The following P4HA2 variants were observed in gnomAD, a reference collection of about 807,000 sequenced individuals.
The protein encoded by P4HA2 is prolyl 4-hydroxylase subunit alpha-2.
P4HA2 carries 46 observed loss-of-function variants against 76.9 expected under a neutral mutation model. The ratio of observed to expected loss-of-function variants is 0.60; its 90% CI spans 0.47 to 0.76. The LOEUF (loss-of-function observed/expected upper bound fraction) is 0.76, where lower values mean the gene tolerates loss of function less well. Among genes scored for constraint, P4HA2 ranks in the 30% least tolerant of loss-of-function variants. The pLI is 0.00. For missense variants in P4HA2, 583 were observed against 669.4 expected, an observed-to-expected ratio of 0.87 and a Z score of 1.42; for synonymous variants, 243 against 254.0, an observed-to-expected ratio of 0.96 and a Z score of 0.41.
chr5:132,208,418 AGGGGGGGAGGGGAGGAGAGGGGGGAAT>A (rs1752543570), intron 7 of P4HA2, among the ~76,000 whole-genome samples: 1 of 2,080 alleles, frequency 4.8e-4, no homozygotes, highest in Non-Finnish European at 8.9e-4. Context: ...GGGGGAGGGG[AGGGGGGGAGGGGAGGAGAGGGGGGAAT>A]GGGGGGAGGG....
At chr5:132,203,137 G>A (rs774270688) in intron 10 of P4HA2, among the ~76,000 whole-genome samples, 1 of 152,194 alleles carries the variant, frequency 6.6e-6, no homozygotes, top group Non-Finnish European at 1.5e-5. Context: ...GAAATACTTA[G>A]GTAAAACAAT....
intron 5 of P4HA2, among the ~76,000 whole-genome samples, chr5:132,212,135 G>C (rs1257977339): frequency 6.6e-6 from 1 of 152,174 alleles, no homozygotes; most frequent in Non-Finnish European, 1.5e-5. Flanking sequence ...GAGGGGTTGA[G>C]ACAAAAGAGC....
chr5:132,225,898 T>A (rs1250380685), intron 1 of P4HA2, among the ~76,000 whole-genome samples: 4 of 152,204 alleles, frequency 2.6e-5, no homozygotes, highest in African/African-American at 9.7e-5. Flanking sequence ...TATGACAGCA[T>A]CTTTGGGATG....
rs374026082 is a variant in P4HA2, at chr5:132,209,317, G to A, written c.724C>T (p.Arg242Ter). The A allele has an allele frequency of 1.1e-5, 18 of 1,613,536 alleles. No individual in the cohort carries two copies. The highest frequency in any genetic ancestry group is 7.7e-5 in the South Asian group (7 of 90,980). ...AAGTACCGCAGATTCCCTCCAGCTCGTTCGTGGCTTGGGTCTAGAAAATGC... is the reference window on the plus strand; with the variant it reads ...AAGTACCGCAGATTCCCTCCAGCTCATTCGTGGCTTGGGTCTAGAAAATGC... ...RLLSLDPSHE[R>*]AGGNLRYFEQ... The change falls in exon 7 of 15, where the codon CGA (arginine) becomes TGA (stop). Residue 242 changes from arginine to a stop codon, truncating the protein, a stop_gained. Transcript: ENST00000360568. LOFTEE classifies it high-confidence loss of function.
At chr5:132,220,777 G>A in intron 1 of P4HA2, among the ~76,000 whole-genome samples, 1 of 151,694 alleles carries the variant, frequency 6.6e-6, no homozygotes, top group South Asian at 2.1e-4. Context: ...TTTGGGCAGA[G>A]CCTCAAAGAA....
rs1287332169 is a variant in P4HA2, at chr5:132,191,314, C to T, written c.*1696G>A. 6.6e-6 allele frequency among the ~76,000 whole-genome samples: 1 copy of T among 151,896 alleles called. No individual in the cohort carries two copies. Among genetic ancestry groups the T allele is most frequent in the African/African-American group, 2.4e-5 (1 of 41,352 alleles). ...GATCACGAGGTCAGGAGATCGAGAC[C>T]ATCCCGGCTAAAACGGTGAAACCCC... is the stretch of plus-strand genomic sequence containing the variant. On this transcript the variant is annotated 3_prime_UTR_variant, in exon 15 of 15. Coordinates refer to ENST00000360568, the MANE Select transcript of P4HA2 (RefSeq NM_001017974.2).
chr5:132,192,412 T>C lies in P4HA2; in HGVS notation c.*598A>G, dbSNP rs1454254296. On this transcript the variant is annotated 3_prime_UTR_variant, in exon 15 of 15. Transcript: ENST00000360568. ...TCTCTGGGAGACAAAGAGAAACTATTTACCCTACTTTCCAGAAAAGGACAC... is the reference window on the plus strand; with the variant it reads ...TCTCTGGGAGACAAAGAGAAACTATCTACCCTACTTTCCAGAAAAGGACAC... 1 of 152,464 alleles carries C rather than the reference T, an allele frequency of 6.6e-6. No homozygotes were observed. The highest frequency in any genetic ancestry group is 1.5e-5 in the Non-Finnish European group (1 of 68,078). 9.4% of individuals were successfully genotyped at this position (152,464 alleles called of 1,614,324 possible).
chr5:132,217,521 G>C (rs373803659), intron 3 of P4HA2, 173 bp from the exon 4 acceptor site: 7 of 657,242 alleles, frequency 1.1e-5, no homozygotes, highest in African/African-American at 5.5e-5. Context: ...CCTTAATCTA[G>C]ATAACAGCTG....
Position 132,203,819 on chromosome 5 carries a change from C to G in P4HA2, c.1180G>C (p.Val394Leu), listed in dbSNP as rs754355833. ...ATCCGACGATTTACTCGGGCCACAA[C>G]AGGGTCATCATCTTCCTCTAGCCAG... is the stretch of plus-strand genomic sequence containing the variant. ...SSWLEEDDDPVVARVNRRMQH... is the reference protein window; with the variant it reads ...SSWLEEDDDPLVARVNRRMQH... Residue 394 changes from valine (V) to leucine (L), a missense_variant, in exon 10 of 15, where the codon GTT becomes CTT. By Grantham distance (32) the Val-to-Leu change is conservative. Transcript: ENST00000360568. 1.2e-6 allele frequency: 2 copies of G among 1,613,868 alleles called. No homozygotes were observed. Among genetic ancestry groups the G allele is most frequent in the South Asian group, 2.2e-5 (2 of 91,076 alleles).
At chr5:132,208,407 A>G (rs1209341118) in intron 7 of P4HA2, among the ~76,000 whole-genome samples, 2 of 3,200 alleles carry the variant, frequency 6.3e-4, no homozygotes, top group Non-Finnish European at 1.3e-3. Flanking sequence ...GGGGGAGGGG[A>G]GGGGGAGGGG....
In P4HA2 at chr5:132,214,101, G is replaced by A. The variant is rs558406447; in HGVS notation, c.332-48C>T. On this transcript the variant is annotated intron_variant, in intron 4 of 14. Transcript: ENST00000360568. ...AGAGATTACCCTTGATCCAGGGGCAGAATTCCACTTGGGACCAGAGAGGCA... is the reference window on the plus strand; with the variant it reads ...AGAGATTACCCTTGATCCAGGGGCAAAATTCCACTTGGGACCAGAGAGGCA... The A allele has an allele frequency of 1.9e-6, 3 of 1,593,760 alleles. No homozygotes were observed. In the East Asian group the frequency reaches 6.7e-5, roughly 36 times the overall value.
chr5:132,225,021 C>G (rs929711271), intron 1 of P4HA2, among the ~76,000 whole-genome samples: 6 of 143,476 alleles, frequency 4.2e-5, no homozygotes, highest in Non-Finnish European at 8.9e-5. Flanking sequence ...GTAAATCATC[C>G]AGACTTTTCA....
chr5:132,203,491 A>C (rs956365047), intron 10 of P4HA2: 1 of 485,816 alleles, frequency 2.1e-6, no homozygotes, highest in African/African-American at 1.9e-5. Flanking sequence ...CGAACCTACC[A>C]TAACTACCCC....
intron 10 of P4HA2, chr5:132,202,340 T>C (rs1751614193): frequency 6.6e-6 from 1 of 151,842 alleles, no homozygotes; most frequent in South Asian, 2.1e-4. Flanking sequence ...CTGATGCAGC[T>C]ACACAGAAAA....
chr5:132,214,942 G>A (rs899044957), intron 4 of P4HA2, among the ~76,000 whole-genome samples: 5 of 152,184 alleles, frequency 3.3e-5, no homozygotes, highest in Non-Finnish European at 5.9e-5. Context: ...TCCCAGGTGG[G>A]AGCCAAGCCT....
intron 1 of P4HA2, among the ~76,000 whole-genome samples, chr5:132,220,538 A>G (rs922781046): frequency 6.6e-6 from 1 of 152,240 alleles, no homozygotes; most frequent in Non-Finnish European, 1.5e-5. Flanking sequence ...TTGCAGTTGC[A>G]TACCTTTTTA....
At position 132,214,065 on chromosome 5, in the gene P4HA2, G is replaced by C; in HGVS notation, c.332-12C>G. On this transcript the variant is annotated splice_polypyrimidine_tract_variant and intron_variant, in intron 4 of 14. Coordinates refer to ENST00000360568, the MANE Select transcript of P4HA2 (RefSeq NM_001017974.2). ...GTTGGCGATAAAACCTTCCAAATGA[G>C]AGTCAGAACAAGAGATTACCCTTGA... 1 of 1,613,504 alleles carries C rather than the reference G, an allele frequency of 6.2e-7. No homozygotes were observed. Among genetic ancestry groups the C allele is most frequent in the Non-Finnish European group, 8.5e-7 (1 of 1,179,766 alleles).
chr5:132,209,366 C>A, intron 6 of P4HA2, 35 bp from the exon 7 acceptor site: 1 of 1,520,138 alleles, frequency 6.6e-7, no homozygotes, highest in South Asian at 1.1e-5. Context: ...GAAAAGGAAA[C>A]CACAAACATC....
chr5:132,190,255 C>T lies in P4HA2; in HGVS notation c.*2755G>A, dbSNP rs766197240. Among the ~76,000 whole-genome samples, 2 of 152,124 alleles carry T rather than the reference C, an allele frequency of 1.3e-5. No homozygotes were observed. Among genetic ancestry groups the T allele is most frequent in the Non-Finnish European group, 2.9e-5 (2 of 68,022 alleles). On this transcript the variant is annotated 3_prime_UTR_variant, in exon 15 of 15. Transcript: ENST00000360568. Reference sequence around the variant, plus strand: ...GAAAAGAAAAAACCTACAAACAAACCACCTAGTGTGCCAGTCACGTTTCTA... The same window carrying T: ...GAAAAGAAAAAACCTACAAACAAACTACCTAGTGTGCCAGTCACGTTTCTA...
Sources: allele counts gnomAD v4.1 joint callset (sites outside exome capture counted in the v4.1 genomes callset), GRCh38; gene constraint gnomAD v4.1.1; transcripts MANE v1.5; gene names NCBI Gene and HGNC (gene_info 2026-07-23, HGNC 2026-07-21).